MAN1A1: variants seen among roughly 807,000 people sequenced by gnomAD.
MAN1A1 encodes the protein mannosyl-oligosaccharide 1,2-alpha-mannosidase IA.
Under a neutral mutation model 70.8 loss-of-function variants are expected in MAN1A1, and 29 were observed. The observed-to-expected ratio is 0.41, with a 90% CI of 0.31 to 0.56. MAN1A1 has a LOEUF of 0.56. Among genes scored for constraint, MAN1A1 ranks in the 20% least tolerant of loss-of-function variants. The pLI, the probability that MAN1A1 is intolerant of heterozygous loss-of-function variation, is 0.29. For synonymous variants in MAN1A1, 349 were observed against 330.1 expected, an observed-to-expected ratio of 1.06 and a Z score of -0.62; for missense variants, 747 against 841.3, an observed-to-expected ratio of 0.89 and a Z score of 1.39.
At chr6:119,301,853 T>C (rs1016497196) in intron 4 of MAN1A1, 135 bp downstream of exon 4, 4 of 581,408 alleles carry the variant, frequency 6.9e-6, no homozygotes, top group East Asian at 5.6e-5. Flanking sequence ...TAGTATAAGA[T>C]AATAGTATTT....
At chr6:119,244,648 AC>A (rs1198317348) in intron 6 of MAN1A1, among the ~76,000 whole-genome samples, 1 of 152,094 alleles carries the variant, frequency 6.6e-6, no homozygotes, top group Non-Finnish European at 1.5e-5. Context: ...ATACTGAAAT[AC>A]AACTTGACTT....
rs571869190 is a variant in MAN1A1 at position 119,276,863 on chromosome 6, T to C, written c.897+13820A>G. Among the ~76,000 whole-genome samples the C allele has an allele frequency of 1.1e-4, 17 of 152,312 alleles. No individual in the cohort carries two copies. In the South Asian group the frequency reaches 3.5e-3, roughly 32 times the overall value. On this transcript the variant is annotated intron_variant, in intron 5 of 12. Transcript: ENST00000368468. ...CTAAATGGTATTTATAAAACTAAGA[T>C]GACAATCTCTTCTGCTTATCTTTTC...
intron 6 of MAN1A1, among the ~76,000 whole-genome samples, chr6:119,222,053 T>C (rs992704149): frequency 6.6e-6 from 1 of 152,084 alleles, no homozygotes; most frequent in Non-Finnish European, 1.5e-5. Context: ...CACAATACCA[T>C]ATGGCAACAA....
At chr6:119,275,745 G>T (rs1410992083) in intron 5 of MAN1A1, among the ~76,000 whole-genome samples, 1 of 152,152 alleles carries the variant, frequency 6.6e-6, no homozygotes, top group African/African-American at 2.4e-5. Context: ...CCCGGCAACT[G>T]CTATTTCATT....
intron 2 of MAN1A1, among the ~76,000 whole-genome samples, chr6:119,312,880 C>T (rs994201436): frequency 4.6e-5 from 7 of 152,184 alleles, no homozygotes; most frequent in Non-Finnish European, 1.0e-4. Context: ...CCTAAAACTG[C>T]TCAGAAAATA....
At chr6:119,265,783 A>C (rs1374368440) in intron 5 of MAN1A1, among the ~76,000 whole-genome samples, 1 of 152,164 alleles carries the variant, frequency 6.6e-6, no homozygotes, top group Non-Finnish European at 1.5e-5. Flanking sequence ...CCTATAAGAA[A>C]AAATAAAAAA....
intron 2 of MAN1A1, among the ~76,000 whole-genome samples, chr6:119,314,802 C>T (rs1287781367): frequency 2.0e-5 from 3 of 152,102 alleles, no homozygotes; most frequent in African/African-American, 7.2e-5. Context: ...CCTTGCCTGC[C>T]CTACATCCTT....
At chr6:119,336,199 A>G (rs1278355164) in intron 2 of MAN1A1, among the ~76,000 whole-genome samples, 4 of 152,148 alleles carry the variant, frequency 2.6e-5, no homozygotes, top group African/African-American at 9.7e-5. Context: ...CCTCCCGAGT[A>G]GCTGGGACTA....
At chr6:119,297,890 TCCACCAG>T (rs1772266098) in intron 4 of MAN1A1, among the ~76,000 whole-genome samples, 2 of 151,028 alleles carry the variant, frequency 1.3e-5, no homozygotes, top group African/African-American at 4.9e-5. Context: ...GTTCAAGAAA[TCCACCAG>T]CCTGGGCCTC....
chr6:119,209,885 T>A (rs993054880), intron 6 of MAN1A1, among the ~76,000 whole-genome samples: 4 of 152,184 alleles, frequency 2.6e-5, no homozygotes, highest in Non-Finnish European at 5.9e-5. Context: ...GAAAGGTGGC[T>A]AATAGAGGGC....
chr6:119,321,699 C>T (rs1240744188), intron 2 of MAN1A1, among the ~76,000 whole-genome samples: 4 of 151,008 alleles, frequency 2.6e-5, no homozygotes, highest in Non-Finnish European at 5.9e-5. Flanking sequence ...CTCACCGCAG[C>T]CTCAACCTCC....
intron 2 of MAN1A1, among the ~76,000 whole-genome samples, chr6:119,333,689 G>A (rs1294687557): frequency 3.3e-5 from 5 of 152,166 alleles, no homozygotes; most frequent in African/African-American, 9.7e-5. Flanking sequence ...GAGAATTTCT[G>A]TCAAAACCTG....
chr6:119,332,270 T>C (rs757204978), intron 2 of MAN1A1, among the ~76,000 whole-genome samples: 3 of 152,128 alleles, frequency 2.0e-5, no homozygotes, highest in Non-Finnish European at 2.9e-5. Context: ...TTATATATAA[T>C]AACACTAACT....
rs561415553 is a variant in MAN1A1 at position 119,341,207 on chromosome 6, C to T, written c.603+7256G>A. ...AGTCTTTATCAAAACTCAGTGGGGG[C>T]GGGGCACTGCTGCCACATTCTCCGG... On this transcript the variant is annotated intron_variant, in intron 2 of 12. Transcript: ENST00000368468. Among the ~76,000 whole-genome samples, 157 of 152,046 alleles carry T rather than the reference C, an allele frequency of 1.0e-3. 4 individuals are homozygous for T. The South Asian group carries it at 0.025, about 25-fold the overall frequency.
At chr6:119,327,558 T>G (rs1245518095) in intron 2 of MAN1A1, among the ~76,000 whole-genome samples, 1 of 151,958 alleles carries the variant, frequency 6.6e-6, no homozygotes, top group Non-Finnish European at 1.5e-5. Context: ...TCTGGCTAAT[T>G]TTTGTATTTT....
chr6:119,191,874 A>T (rs1416793080), intron 9 of MAN1A1, among the ~76,000 whole-genome samples: 1 of 152,224 alleles, frequency 6.6e-6, no homozygotes, highest in African/African-American at 2.4e-5. Flanking sequence ...TGGTTACAAT[A>T]ATCTTCTAAA....
At chr6:119,317,667 T>C (rs1420072689) in intron 2 of MAN1A1, among the ~76,000 whole-genome samples, 1 of 152,184 alleles carries the variant, frequency 6.6e-6, no homozygotes, top group African/African-American at 2.4e-5. Flanking sequence ...GGAACATCTT[T>C]GTTGCTTCCA....
chr6:119,192,714 A>G (rs867061703), intron 9 of MAN1A1, among the ~76,000 whole-genome samples: 7 of 152,154 alleles, frequency 4.6e-5, no homozygotes, highest in Admixed American at 1.3e-4. Context: ...ACTACTTGAG[A>G]AGCCTTGATA....
At chr6:119,228,721 A>G (rs1370919660) in intron 6 of MAN1A1, among the ~76,000 whole-genome samples, 1 of 152,168 alleles carries the variant, frequency 6.6e-6, no homozygotes, top group African/African-American at 2.4e-5. Flanking sequence ...CTAAATAAAG[A>G]TACAAATTAT....
Sources: allele counts gnomAD v4.1 joint callset (sites outside exome capture counted in the v4.1 genomes callset), GRCh38; gene constraint gnomAD v4.1.1; transcripts MANE v1.5; gene names NCBI Gene and HGNC (gene_info 2026-07-23, HGNC 2026-07-21).